Variants in HDAC9 observed in about 807,000 individuals in gnomAD.
HDAC9 encodes the protein MEF-2 interacting transcription repressor (MITR) protein.
HDAC9 carries 41 observed loss-of-function variants against 139.4 expected under a neutral mutation model. The observed-to-expected ratio is 0.29, with a 90% CI of 0.23 to 0.38. The LOEUF is 0.38. Ranked by LOEUF, HDAC9 falls within the 10% of genes least tolerant of loss-of-function variation. The pLI is 1.00. For synonymous variants in HDAC9, 517 were observed against 476.2 expected (o/e 1.09, Z -1.12); for missense variants, 1,147 against 1,297.0 (o/e 0.88, Z 1.78).
chr7:18,824,044 G>GGAAGAGGAGGAAGAAGAAGAA (rs71309048), intron 17 of HDAC9, among the ~76,000 whole-genome samples: 1,528 of 67,084 alleles, frequency 0.023, 27 homozygotes, highest in Non-Finnish European at 0.036. Context: ...AAGAGGAAGA[G>GGAAGAGGAGGAAGAAGAAGAA]GAAGAAGAAG....
At chr7:18,412,915 TA>T (rs1788707515) in intron 1 of HDAC9, among the ~76,000 whole-genome samples, 1 of 152,226 alleles carries the variant, frequency 6.6e-6, no homozygotes. Flanking sequence ...ATATTGATTT[TA>T]AAAACTTTAG....
chr7:18,393,652 A>C (rs572562821), intron 1 of HDAC9, among the ~76,000 whole-genome samples: 1 of 152,048 alleles, frequency 6.6e-6, no homozygotes, highest in African/African-American at 2.4e-5. Flanking sequence ...ACAGAATTTT[A>C]GAGTATTATG....
At chr7:18,388,266 A>G (rs763878955) in intron 1 of HDAC9, among the ~76,000 whole-genome samples, 14 of 151,944 alleles carry the variant, frequency 9.2e-5, no homozygotes, top group Non-Finnish European at 1.8e-4. Context: ...CCCTGCCATG[A>G]CTCCCTGAGA....
At chr7:18,507,736 C>A (rs550367678) in intron 2 of HDAC9, among the ~76,000 whole-genome samples, 1 of 152,324 alleles carries the variant, frequency 6.6e-6, no homozygotes, top group South Asian at 2.1e-4. Flanking sequence ...GGTGATCCGC[C>A]TGCCTTGGCC....
chr7:18,748,409 A>C (rs1434001012), intron 13 of HDAC9, among the ~76,000 whole-genome samples: 4 of 152,230 alleles, frequency 2.6e-5, no homozygotes, highest in African/African-American at 4.8e-5. Context: ...GATCTACAAC[A>C]TCCATATTGG....
intron 16 of HDAC9, among the ~76,000 whole-genome samples, chr7:18,786,893 C>G (rs1225002958): frequency 6.7e-6 from 1 of 149,368 alleles, no homozygotes; most frequent in African/African-American, 2.5e-5. Flanking sequence ...ACTGCTGGCC[C>G]CTGCTGATGC....
At chr7:18,115,504 T>C (rs1297227672) in intron 1 of HDAC9, among the ~76,000 whole-genome samples, 3 of 152,214 alleles carry the variant, frequency 2.0e-5, no homozygotes, top group Admixed American at 2.0e-4. Context: ...CAATGAGATA[T>C]AAGTTTTTCT....
chr7:18,385,095 A>G (rs188180464), intron 1 of HDAC9, among the ~76,000 whole-genome samples: 194 of 152,328 alleles, frequency 1.3e-3, no homozygotes, highest in African/African-American at 4.3e-3. Flanking sequence ...TGTGGATGCC[A>G]AAAGTGTTAA....
At chr7:18,258,802 A>G (rs1248785549) in intron 2 of HDAC9, among the ~76,000 whole-genome samples, 1 of 152,168 alleles carries the variant, frequency 6.6e-6, no homozygotes, top group African/African-American at 2.4e-5. Flanking sequence ...ATAAATCAGT[A>G]GCTTCTCTAT....
intron 12 of HDAC9, among the ~76,000 whole-genome samples, chr7:18,706,289 C>G (rs955815541): frequency 1.4e-5 from 2 of 143,292 alleles, no homozygotes; most frequent in Non-Finnish European, 3.0e-5. Flanking sequence ...TGCCTCATTT[C>G]TTTCCAGCAA....
intron 2 of HDAC9, among the ~76,000 whole-genome samples, chr7:18,569,486 A>G (rs1241354265): frequency 6.6e-6 from 1 of 152,186 alleles, no homozygotes; most frequent in East Asian, 1.9e-4. Flanking sequence ...TTTTGATTGT[A>G]CAAAGAGGTA....
intron 2 of HDAC9, among the ~76,000 whole-genome samples, chr7:18,517,441 A>G (rs1803591602): frequency 6.6e-6 from 1 of 152,222 alleles, no homozygotes; most frequent in Non-Finnish European, 1.5e-5. Flanking sequence ...CTAAAGGATC[A>G]GCTTGTGTGA....
At chr7:18,817,784 A>G (rs1794682781) in intron 17 of HDAC9, among the ~76,000 whole-genome samples, 1 of 152,212 alleles carries the variant, frequency 6.6e-6, no homozygotes, top group African/African-American at 2.4e-5. Flanking sequence ...TAGTCATAGA[A>G]ACTGCAGGTT....
intron 1 of HDAC9, among the ~76,000 whole-genome samples, chr7:18,486,453 T>C (rs1795984543): frequency 6.6e-6 from 1 of 152,112 alleles, no homozygotes; most frequent in Admixed American, 6.6e-5. Context: ...TTCAACTCGA[T>C]GACAATGTAA....
intron 2 of HDAC9, among the ~76,000 whole-genome samples, chr7:18,184,770 G>C (rs1281476108): frequency 6.6e-6 from 1 of 152,132 alleles, no homozygotes; most frequent in Non-Finnish European, 1.5e-5. Flanking sequence ...GTAGGGTATT[G>C]AATAAAAAGG....
chr7:18,273,332 G>A lies in HDAC9; in HGVS notation c.25+110983G>A, dbSNP rs146236443. ...GATTCTCCCTCCTTGGCCTCCCAAA[G>A]TGCTGGGAGTACAGGTGTGAACCAC... is the stretch of plus-strand genomic sequence containing the variant. On this transcript the variant is annotated intron_variant, in intron 2 of 12. Transcript: ENST00000417496. Among the ~76,000 whole-genome samples the A allele has an allele frequency of 9.0e-3, 1,373 of 152,068 alleles. 17 individuals carry two copies. Among genetic ancestry groups the A allele is most frequent in the African/African-American group, 0.031 (1,300 of 41,482 alleles).
At chr7:18,474,760 G>A (rs1431957690) in intron 1 of HDAC9, among the ~76,000 whole-genome samples, 3 of 151,978 alleles carry the variant, frequency 2.0e-5, no homozygotes, top group Non-Finnish European at 4.4e-5. Flanking sequence ...ATTTAAAACC[G>A]TCTCCATAGC....
chr7:18,822,364 TG>T (rs1486538121), intron 17 of HDAC9, among the ~76,000 whole-genome samples: 10 of 151,902 alleles, frequency 6.6e-5, no homozygotes, highest in African/African-American at 2.4e-4. Flanking sequence ...TTGTTGTTGT[TG>T]TTGTTTGAGA....
intron 2 of HDAC9, among the ~76,000 whole-genome samples, chr7:18,553,430 G>A (rs1297771212): frequency 6.6e-6 from 1 of 152,028 alleles, no homozygotes; most frequent in East Asian, 1.9e-4. Context: ...ATAAATCATG[G>A]CAATTTTGTT....
Sources: allele counts gnomAD v4.1 joint callset (sites outside exome capture counted in the v4.1 genomes callset), GRCh38; gene constraint gnomAD v4.1.1; transcripts MANE v1.5; gene names NCBI Gene and HGNC (gene_info 2026-07-23, HGNC 2026-07-21).